ZNF536: variants seen among roughly 807,000 people sequenced by gnomAD.
ZNF536 encodes the protein zinc finger protein 536.
ZNF536 carries 13 observed loss-of-function variants against 84.5 expected under a neutral mutation model. The observed-to-expected ratio is 0.15, with a 90% CI of 0.10 to 0.24. The LOEUF is 0.24. Among genes scored for constraint, ZNF536 ranks in the 10% least tolerant of loss-of-function variants. The probability of loss-of-function intolerance (pLI) is 1.00; values close to 1 mark genes in which losing one functional copy is unlikely to be tolerated. For synonymous variants in ZNF536, 811 were observed against 742.5 expected (o/e 1.09, Z -1.50); for missense variants, 1,536 against 1,747.5 (o/e 0.88, Z 2.16).
In ZNF536 at chr19:30,444,181, A is replaced by C. The variant is rs2148172294; in HGVS notation, c.619A>C (p.Ile207Leu). 2 of 1,566,364 alleles carry C rather than the reference A, an allele frequency of 1.3e-6. No homozygotes were observed. ...GCTGCACGAGCTGGAGGAGCGCGCC[A>C]TCCTGCGGGACAAGCAGCTGAAAGG... ...RLLHELEERA[I>L]LRDKQLKGSL... The change falls in exon 2 of 5, where the codon ATC becomes CTC. Residue 207 changes from isoleucine to leucine, a missense_variant. Ile to Leu is a conservative substitution (Grantham distance 5). Transcript: ENST00000355537.
chr19:30,249,714 C>A (rs1002630134), intron 1 of ZNF536, among the ~76,000 whole-genome samples: 1 of 152,140 alleles, frequency 6.6e-6, no homozygotes, highest in African/African-American at 2.4e-5. Context: ...CAGGTGGAAA[C>A]CCCCCACCCT....
At chr19:30,246,274 G>T (rs951236938) in intron 1 of ZNF536, among the ~76,000 whole-genome samples, 2 of 152,146 alleles carry the variant, frequency 1.3e-5, no homozygotes, top group Non-Finnish European at 2.9e-5. Context: ...AGAGTGTTGG[G>T]ATTGTATTGC....
At chr19:30,691,163 C>T (rs1423127631) in intron 1 of ZNF536, among the ~76,000 whole-genome samples, 3 of 152,106 alleles carry the variant, frequency 2.0e-5, no homozygotes, top group African/African-American at 2.4e-5. Context: ...CAAATCAGAC[C>T]GCTGACCAGC....
chr19:30,434,955 ATGGTGATGATAC>A (rs1453076305), intron 1 of ZNF536, among the ~76,000 whole-genome samples: 2 of 151,270 alleles, frequency 1.3e-5, no homozygotes, highest in African/African-American at 4.9e-5. Context: ...GATAATGATG[ATGGTGATGATAC>A]TGGTGATGAT....
chr19:30,660,973 C>G (rs2050101697), intron 1 of ZNF536, among the ~76,000 whole-genome samples: 1 of 152,202 alleles, frequency 6.6e-6, no homozygotes, highest in South Asian at 2.1e-4. Context: ...CAAACATTGA[C>G]CAAATACAGG....
intron 1 of ZNF536, among the ~76,000 whole-genome samples, chr19:30,424,924 C>T (rs780640296): frequency 6.6e-5 from 10 of 152,270 alleles, no homozygotes; most frequent in East Asian, 1.9e-4. Flanking sequence ...TCCCACCCAA[C>T]GCTTCTGGAA....
chr19:30,526,642 T>C (rs1292440369), intron 2 of ZNF536, among the ~76,000 whole-genome samples: 1 of 123,198 alleles, frequency 8.1e-6, no homozygotes, highest in African/African-American at 2.7e-5. Context: ...GAGAATGGCG[T>C]GAACCCGGGA....
intron 1 of ZNF536, among the ~76,000 whole-genome samples, chr19:30,627,805 G>A (rs1439810352): frequency 1.3e-5 from 2 of 152,180 alleles, no homozygotes; most frequent in Non-Finnish European, 2.9e-5. Context: ...TGAGATGGGC[G>A]GAGGACCAGT....
chr19:30,347,129 C>G (rs8108737), intron 2 of ZNF536, among the ~76,000 whole-genome samples: 95,123 of 148,360 alleles, frequency 0.64, 31,516 homozygotes, highest in East Asian at 0.81. Context: ...TTATATGATT[C>G]TTGGCCGCAT....
Position 30,335,885 on chromosome 19 carries a change from G to A in ZNF536, c.-119-16483G>A, listed in dbSNP as rs993674970. On this transcript the variant is annotated intron_variant, in intron 2 of 5. Coordinates refer to the ZNF536 transcript ENST00000585628. The stretch of plus-strand genomic sequence containing the variant: ...ACCAAGAACCAGCAGGTGGATGGGA[G>A]GTGGTCAAGGAGTGGCCCTGGCTCA... Among the ~76,000 whole-genome samples, 4 of 152,130 alleles carry A rather than the reference G, an allele frequency of 2.6e-5. No individual in the cohort carries two copies. In the East Asian group the frequency reaches 5.8e-4, roughly 22 times the overall value.
chr19:30,614,018 A>T (rs2048194556), intron 1 of ZNF536, among the ~76,000 whole-genome samples: 2 of 152,180 alleles, frequency 1.3e-5, no homozygotes, highest in African/African-American at 4.8e-5. Context: ...GCGTGCCACC[A>T]TGCCCAGCTA....
chr19:30,334,310 G>A (rs1339216612), intron 2 of ZNF536, among the ~76,000 whole-genome samples: 1 of 152,162 alleles, frequency 6.6e-6, no homozygotes, highest in Non-Finnish European at 1.5e-5. Flanking sequence ...GTTTGTAAAA[G>A]CTTATTAGCT....
intron 1 of ZNF536, among the ~76,000 whole-genome samples, chr19:30,611,689 C>T (rs2048110188): frequency 2.0e-5 from 3 of 152,162 alleles, no homozygotes; most frequent in African/African-American, 7.2e-5. Flanking sequence ...CATAAATTTC[C>T]TTGGAGTCAT....
intron 1 of ZNF536, among the ~76,000 whole-genome samples, chr19:30,626,613 C>A (rs971695360): frequency 1.3e-5 from 2 of 152,270 alleles, no homozygotes; most frequent in East Asian, 3.9e-4. Context: ...CCCGCTACCC[C>A]CACTTGGAGG....
intron 1 of ZNF536, among the ~76,000 whole-genome samples, chr19:30,578,034 C>T (rs892175798): frequency 3.3e-5 from 5 of 152,196 alleles, no homozygotes; most frequent in Admixed American, 1.3e-4. Context: ...CCTCTGTTGC[C>T]GGCAACAGTG....
chr19:30,247,418 C>G (rs1310648860), intron 1 of ZNF536, among the ~76,000 whole-genome samples: 1 of 152,192 alleles, frequency 6.6e-6, no homozygotes, highest in Non-Finnish European at 1.5e-5. Flanking sequence ...TGAGCTCCAC[C>G]TGGAGAGGCA....
chr19:30,432,301 T>G (rs1454395183), intron 1 of ZNF536, among the ~76,000 whole-genome samples: 1 of 152,052 alleles, frequency 6.6e-6, no homozygotes, highest in South Asian at 2.1e-4. Flanking sequence ...ATCATAAGCT[T>G]AGAGGACCAG....
At chr19:30,247,397 A>C (rs2024340198) in intron 1 of ZNF536, among the ~76,000 whole-genome samples, 1 of 152,210 alleles carries the variant, frequency 6.6e-6, no homozygotes, top group African/African-American at 2.4e-5. Flanking sequence ...CTTGTCAGGC[A>C]TGCCGGTTCC....
chr19:30,535,053 G>A (rs904620539), intron 3 of ZNF536, 54 bp downstream of exon 3: 154 of 1,545,814 alleles, frequency 1.0e-4, no homozygotes, highest in Admixed American at 9.5e-5. Context: ...GGAGGTCCCC[G>A]TCCTGCCTGC....
Sources: allele counts gnomAD v4.1 joint callset (sites outside exome capture counted in the v4.1 genomes callset), GRCh38; gene constraint gnomAD v4.1.1; transcripts MANE v1.5; gene names NCBI Gene and HGNC (gene_info 2026-07-23, HGNC 2026-07-21).